The following KIAA1217 variants were observed in gnomAD, a reference collection of about 807,000 sequenced individuals.
KIAA1217 encodes KIAA1217, also known as sickle tail protein homolog.
In KIAA1217, 88 loss-of-function variants were observed where a neutral mutation model predicts 163.9. The ratio of observed to expected loss-of-function variants is 0.54; its 90% CI spans 0.45 to 0.64. KIAA1217 has a LOEUF of 0.64. Among genes scored for constraint, KIAA1217 ranks in the 30% least tolerant of loss-of-function variants. The probability of loss-of-function intolerance (pLI) is 0.00; values close to 1 mark genes in which losing one functional copy is unlikely to be tolerated. For missense variants in KIAA1217, 2,372 were observed against 2,475.0 expected, an observed-to-expected ratio of 0.96 and a Z score of 0.88; for synonymous variants, 903 against 923.1, an observed-to-expected ratio of 0.98 and a Z score of 0.39.
At chr10:23,972,199 T>C (rs1280609401) in intron 1 of KIAA1217, among the ~76,000 whole-genome samples, 1 of 152,210 alleles carries the variant, frequency 6.6e-6, no homozygotes, top group Non-Finnish European at 1.5e-5. Context: ...TGGAAGACAG[T>C]ATGGCAATTC....
intron 2 of KIAA1217, among the ~76,000 whole-genome samples, chr10:24,076,064 G>T (rs2061359972): frequency 6.6e-6 from 1 of 152,154 alleles, no homozygotes; most frequent in East Asian, 1.9e-4. Context: ...CTTGGGGGGA[G>T]TAGGGCCTCT....
At chr10:23,731,460 G>A (rs116044708) in intron 1 of KIAA1217, among the ~76,000 whole-genome samples, 4,156 of 152,192 alleles carry the variant, frequency 0.027, 182 homozygotes, top group African/African-American at 0.091. Flanking sequence ...GACCAGGAGC[G>A]CTTCATGGTC....
At chr10:23,806,021 A>G (rs1028154753) in intron 1 of KIAA1217, among the ~76,000 whole-genome samples, 5 of 144,092 alleles carry the variant, frequency 3.5e-5, no homozygotes, top group Non-Finnish European at 4.6e-5. Flanking sequence ...AAAAAAAAAA[A>G]AAAGAAAAGA....
intron 2 of KIAA1217, among the ~76,000 whole-genome samples, chr10:24,244,219 G>A (rs1360160978): frequency 6.6e-6 from 1 of 152,190 alleles, no homozygotes; most frequent in African/African-American, 2.4e-5. Flanking sequence ...TCTTCAGAAA[G>A]AAAGGCACTG....
chr10:23,832,747 G>A (rs989912410), intron 1 of KIAA1217, among the ~76,000 whole-genome samples: 1 of 152,110 alleles, frequency 6.6e-6, no homozygotes, highest in Admixed American at 6.6e-5. Flanking sequence ...TAATATATGT[G>A]TATTAGTCCA....
intron 1 of KIAA1217, among the ~76,000 whole-genome samples, chr10:23,895,813 T>TA (rs1278113937): frequency 8.6e-5 from 13 of 151,940 alleles, no homozygotes; most frequent in Admixed American, 7.9e-4. Flanking sequence ...TATGCAGTCA[T>TA]AAAAAATGAT....
Position 24,293,203 on chromosome 10 carries a change from C to T in KIAA1217, c.354+73294C>T, listed in dbSNP as rs555545300. Among the ~76,000 whole-genome samples, 31 of 152,142 alleles carry T rather than the reference C, an allele frequency of 2.0e-4. No individual in the cohort carries two copies. The South Asian group carries it at 2.7e-3, about 13-fold the overall frequency. On this transcript the variant is annotated intron_variant, in intron 2 of 20. Coordinates refer to ENST00000376454, the MANE Select transcript of KIAA1217 (RefSeq NM_019590.5). ...GATTATAGGCATGTGCCACCATGCC[C>T]GGCTAATTTTGTTGTTGTTGTTGTT...
intron 1 of KIAA1217, among the ~76,000 whole-genome samples, chr10:23,956,595 A>G (rs1278358253): frequency 6.6e-6 from 1 of 152,146 alleles, no homozygotes; most frequent in Admixed American, 6.5e-5. Flanking sequence ...GCATTGCTGT[A>G]AAGGGATACC....
At chr10:24,316,304 T>G (rs1287445996) in intron 2 of KIAA1217, among the ~76,000 whole-genome samples, 1 of 152,164 alleles carries the variant, frequency 6.6e-6, no homozygotes, top group Non-Finnish European at 1.5e-5. Context: ...AGAGGGATGG[T>G]GTTATCTAAC....
chr10:24,521,739 T>C (rs746648369), intron 11 of KIAA1217, 43 bp from the exon 12 acceptor site: 1 of 1,594,520 alleles, frequency 6.3e-7, no homozygotes. Flanking sequence ...GTTGTCGTTC[T>C]GGCTTTTTCT....
chr10:24,484,783 T>C (rs2065176933), intron 6 of KIAA1217, among the ~76,000 whole-genome samples: 1 of 152,200 alleles, frequency 6.6e-6, no homozygotes, highest in Non-Finnish European at 1.5e-5. Context: ...CTTTGTGTAC[T>C]GGACAGTTTT....
At chr10:23,833,852 A>G (rs1838327069) in intron 1 of KIAA1217, among the ~76,000 whole-genome samples, 1 of 151,928 alleles carries the variant, frequency 6.6e-6, no homozygotes, top group African/African-American at 2.4e-5. Context: ...TTTTAAATAT[A>G]TATTTTTTAT....
intron 5 of KIAA1217, among the ~76,000 whole-genome samples, chr10:24,460,111 G>A (rs148695906): frequency 1.1e-4 from 17 of 152,322 alleles, no homozygotes; most frequent in African/African-American, 3.9e-4. Flanking sequence ...GTGTTCTCAT[G>A]TTCTCTGCCA....
chr10:24,445,013 G>A (rs578216384), intron 5 of KIAA1217, among the ~76,000 whole-genome samples: 1 of 152,140 alleles, frequency 6.6e-6, no homozygotes, highest in Non-Finnish European at 1.5e-5. Flanking sequence ...AATCTATCAG[G>A]ATATAAATAG....
chr10:24,021,246 A>G (rs901302147), intron 2 of KIAA1217, among the ~76,000 whole-genome samples: 1 of 152,000 alleles, frequency 6.6e-6, no homozygotes, highest in African/African-American at 2.4e-5. Context: ...ATAAGCAACT[A>G]TAGCAAGATT....
chr10:24,480,683 A>G (rs771090401), intron 6 of KIAA1217, among the ~76,000 whole-genome samples: 1 of 152,298 alleles, frequency 6.6e-6, no homozygotes, highest in East Asian at 1.9e-4. Flanking sequence ...AAGTGCTACT[A>G]AAGAGGAATG....
At chr10:24,037,718 G>A (rs932039645) in intron 2 of KIAA1217, among the ~76,000 whole-genome samples, 1 of 152,188 alleles carries the variant, frequency 6.6e-6, no homozygotes, top group African/African-American at 2.4e-5. Context: ...GACAGGGTTT[G>A]TTCTCTAGAA....
chr10:24,240,492 T>C (rs1445259693), intron 2 of KIAA1217, among the ~76,000 whole-genome samples: 1 of 152,224 alleles, frequency 6.6e-6, no homozygotes, highest in Non-Finnish European at 1.5e-5. Context: ...CACATTCATA[T>C]TAAATTGTTA....
At chr10:24,016,977 C>T (rs1039416019) in intron 2 of KIAA1217, among the ~76,000 whole-genome samples, 1 of 150,766 alleles carries the variant, frequency 6.6e-6, no homozygotes. Context: ...CATAGTAGGT[C>T]ACAATAAATG....
Sources: allele counts gnomAD v4.1 joint callset (sites outside exome capture counted in the v4.1 genomes callset), GRCh38; gene constraint gnomAD v4.1.1; transcripts MANE v1.5; gene names NCBI Gene and HGNC (gene_info 2026-07-23, HGNC 2026-07-21).